RPL31: variants seen among roughly 807,000 people sequenced by gnomAD.
RPL31 encodes ribosomal protein L31, also known as large ribosomal subunit protein eL31.
For synonymous variants in RPL31, 51 were observed against 55.0 expected (o/e 0.93, Z 0.32); for missense variants, 95 against 164.0 (o/e 0.58, Z 2.30).
exon 5 of RPL31, chr2:101,019,165 GC>G: frequency 7.4e-7 from 1 of 1,343,552 alleles, no homozygotes; most frequent in Non-Finnish European, 1.0e-6. Flanking sequence ...CTGGCAGAGG[GC>G]CAGGCCTGTT....
In RPL31 at chr2:101,002,293, C is replaced by T. The variant is rs1432957215; in HGVS notation, c.-23C>T. 22 of 166,568 alleles carry T rather than the reference C, an allele frequency of 1.3e-4. No individual in the cohort carries two copies. The highest frequency in any genetic ancestry group is 2.5e-4 in the Admixed American group (4 of 15,982). The allele number at this position is 166,568 out of a possible 1,614,324, so 10.3% of individuals were successfully genotyped here. On this transcript the variant is annotated 5_prime_UTR_variant, in exon 1 of 5. Transcript: ENST00000264258. ...TCTCCCACAATCCTTCGCGCTCTTC[C>T]TTTCCAACTTGGACGCTGCAGAGTG...
downstream of RPL31, chr2:101,011,402 C>T (rs1478743327): frequency 1.3e-6 from 2 of 1,592,994 alleles, no homozygotes; most frequent in African/African-American, 1.3e-5. Flanking sequence ...GTGCCTCCCG[C>T]CACTGCAGTG....
chr2:101,008,381 A>G (rs1678908814), downstream of RPL31: 1 of 878,074 alleles, frequency 1.1e-6, no homozygotes. Flanking sequence ...ATTTTTGAAG[A>G]CACAGAATAT....
downstream of RPL31, among the ~76,000 whole-genome samples, chr2:101,009,398 T>A (rs1679008712): frequency 7.3e-6 from 1 of 136,970 alleles, no homozygotes; most frequent in African/African-American, 2.7e-5. Flanking sequence ...AGAGTGAGAC[T>A]CTGTCTCCAA....
chr2:101,002,445 C>A (rs557963996), intron 1 of RPL31, 130 bp downstream of exon 1: 6 of 534,450 alleles, frequency 1.1e-5, no homozygotes, highest in Middle Eastern at 1.0e-3. Context: ...TGGGAATACA[C>A]CCTGCTTTTA....
At chr2:101,012,945 A>G (rs942561431) in intron 4 of RPL31, among the ~76,000 whole-genome samples, 1 of 152,244 alleles carries the variant, frequency 6.6e-6, no homozygotes, top group African/African-American at 2.4e-5. Context: ...AACAGGAGGA[A>G]AATTGCAAAC....
intron 2 of RPL31, among the ~76,000 whole-genome samples, chr2:101,003,874 T>TA (rs879338970): frequency 3.3e-5 from 5 of 152,218 alleles, no homozygotes; most frequent in African/African-American, 1.2e-4. Context: ...TCCTAAGTGT[T>TA]ATGCTAATTG....
At chr2:101,008,412 T>G, downstream of RPL31, 5 of 713,650 alleles carry the variant, frequency 7.0e-6, no homozygotes, top group South Asian at 1.2e-4. Context: ...AGTCTCTGCC[T>G]TTCCACTCTA....
chr2:101,002,358 C>T, intron 1 of RPL31, 43 bp downstream of exon 1: 1 of 244,898 alleles, frequency 4.1e-6, no homozygotes, highest in Non-Finnish European at 8.0e-6. Context: ...AATCCAGCCC[C>T]ATCCTCCTTT....
chr2:101,002,427 T>G, intron 1 of RPL31, 112 bp downstream of exon 1: 1 of 461,706 alleles, frequency 2.2e-6, no homozygotes, highest in Middle Eastern at 6.1e-4. Flanking sequence ...GCTCCGGTTG[T>G]GGGGAGATGG....
intron 3 of RPL31, 49 bp downstream of exon 3, chr2:101,004,332 C>T (rs1205090543): frequency 1.2e-6 from 2 of 1,604,980 alleles, no homozygotes; most frequent in Non-Finnish European, 1.7e-6. Context: ...ATGACACCAG[C>T]TTCACTTAAC....
rs768217385 is a variant in RPL31, at chr2:101,002,800, C to T, written c.99C>T (p.Ile33=). The T allele has an allele frequency of 1.2e-6, 2 of 1,612,590 alleles. No individual in the cohort carries two copies. Among genetic ancestry groups the T allele is most frequent in the Non-Finnish European group, 1.7e-6 (2 of 1,178,696 alleles). The change falls in exon 2 of 5, where the codon ATC becomes ATT. Residue 33 remains isoleucine, a synonymous_variant. Coordinates refer to ENST00000264258, the MANE Select transcript of RPL31 (RefSeq NM_000993.5). ...REYTINIHKR[I]HGVGFKKRAP... ...ACACCATCAACATTCACAAGCGCAT[C>T]CATGGAGTGTGAGTATCCCTCTAGC...
downstream of RPL31, chr2:101,007,780 T>C (rs745886072): frequency 1.3e-6 from 2 of 1,581,510 alleles, no homozygotes; most frequent in Non-Finnish European, 8.6e-7. Context: ...GTTCGTGCTT[T>C]GGTATGGTGG....
chr2:101,004,726 T>A (rs1678655358), intron 3 of RPL31: 1 of 178,538 alleles, frequency 5.6e-6, no homozygotes, highest in African/African-American at 2.4e-5. Flanking sequence ...GGGCAGTGTT[T>A]TTTGTCACTA....
At chr2:101,011,308 C>T, downstream of RPL31, 1 of 901,072 alleles carries the variant, frequency 1.1e-6, no homozygotes, top group Middle Eastern at 3.3e-4. Flanking sequence ...CTTCTGTCCT[C>T]TAAAGGCAGT....
At chr2:101,004,122 G>A (rs1678634953) in intron 2 of RPL31, 36 bp from the exon 3 acceptor site, 2 of 1,599,832 alleles carry the variant, frequency 1.3e-6, no homozygotes, top group African/African-American at 2.7e-5. Context: ...TTAGTTTTGT[G>A]CTCCTTTAAT....
At position 101,004,138 on chromosome 2, in the gene RPL31, C is replaced by G; in HGVS notation, c.108-20C>G. 6.2e-7 allele frequency: 1 copy of G among 1,609,392 alleles called. No homozygotes were observed. The highest frequency in any genetic ancestry group is 1.1e-5 in the South Asian group (1 of 90,194). On this transcript the variant is annotated intron_variant, in intron 2 of 4. Transcript: ENST00000264258. ...TAGTTTTGTGCTCCTTTAATTTGTT[C>G]ACTTATGTTTGAATCGTAGGGGCTT...
chr2:101,005,741 T>G lies in RPL31; in HGVS notation c.234-218T>G, dbSNP rs1419261941. 4 of 567,292 alleles carry G rather than the reference T, an allele frequency of 7.1e-6. No homozygotes were observed. The African/African-American group carries it at 7.6e-5, about 11-fold the overall frequency. 35.1% of individuals were successfully genotyped at this position (567,292 alleles called of 1,614,324 possible). A position where few individuals can be genotyped will look rare whatever the true frequency, so the allele number is the denominator to read the frequency against. Reference sequence around the variant, plus strand: ...CGGTTGGGTATCAATGGTGGCTACCTTAACATGTCTTCAAACAAGCATCCC... The same window carrying G: ...CGGTTGGGTATCAATGGTGGCTACCGTAACATGTCTTCAAACAAGCATCCC... On this transcript the variant is annotated intron_variant, in intron 3 of 4. Coordinates refer to ENST00000264258, the MANE Select transcript of RPL31 (RefSeq NM_000993.5).
In RPL31 at chr2:101,005,959, G is replaced by A. The variant is rs1235643940; in HGVS notation, c.234G>A (p.Arg78=). The A allele has an allele frequency of 2.5e-6, 4 of 1,611,686 alleles. No homozygotes were observed. Among genetic ancestry groups the A allele is most frequent in the Non-Finnish European group, 3.4e-6 (4 of 1,179,526 alleles). The change falls in exon 4 of 5, where the codon AGG becomes AGA. Residue 78 remains arginine, a splice_region_variant and synonymous_variant. Transcript: ENST00000264258. The part of the protein sequence containing the change: ...LNKAVWAKGI[R]NVPYRIRVRL... ...AGCAACACAATTATGTTTTTATTAGGAATGTGCCATACCGAATCCGTGTGC... is the reference window on the plus strand; with the variant it reads ...AGCAACACAATTATGTTTTTATTAGAAATGTGCCATACCGAATCCGTGTGC...
Sources: allele counts gnomAD v4.1 joint callset (sites outside exome capture counted in the v4.1 genomes callset), GRCh38; gene constraint gnomAD v4.1.1; transcripts MANE v1.5; gene names NCBI Gene and HGNC (gene_info 2026-07-23, HGNC 2026-07-21).